Variants in HS6ST2 observed in about 807,000 individuals in gnomAD.
HS6ST2 encodes the protein heparan-sulfate 6-O-sulfotransferase 2.
HS6ST2 carries 17 observed loss-of-function variants against 33.0 expected under a neutral mutation model. The observed-to-expected ratio is 0.52, with a 90% confidence interval of 0.35 to 0.77. The LOEUF is 0.77. Ranked by LOEUF, HS6ST2 falls within the 30% of genes least tolerant of loss-of-function variation. HS6ST2 has a pLI of 0.01. For synonymous variants in HS6ST2, 248 were observed against 237.1 expected (o/e 1.05, Z -0.42); for missense variants, 519 against 551.7 (o/e 0.94, Z 0.59).
chrX:132,758,665 T>G (rs1248568622), intron 2 of HS6ST2, among the ~76,000 whole-genome samples: 3 of 111,792 alleles, frequency 2.7e-5, no homozygotes, highest in Non-Finnish European at 3.8e-5. Flanking sequence ...GGTCTCCCTT[T>G]CAGCTCCCAA....
chrX:132,735,761 A>C (rs1438226759), intron 2 of HS6ST2, among the ~76,000 whole-genome samples: 2 of 112,163 alleles, frequency 1.8e-5, no homozygotes, highest in Non-Finnish European at 3.8e-5. Flanking sequence ...TTTTCCTGAT[A>C]TCAGGATTGA....
At chrX:132,807,895 C>T (rs750993421) in intron 2 of HS6ST2, among the ~76,000 whole-genome samples, 1 of 112,022 alleles carries the variant, frequency 8.9e-6, no homozygotes, top group African/African-American at 3.2e-5. Context: ...CTGGGAGAAA[C>T]TCAGCAGCAG....
At chrX:132,772,184 T>G (rs2064907364) in intron 2 of HS6ST2, among the ~76,000 whole-genome samples, 1 of 111,457 alleles carries the variant, frequency 9.0e-6, no homozygotes, top group Admixed American at 9.7e-5. Context: ...GTGTAAAAGT[T>G]GAACACACAC....
intron 2 of HS6ST2, among the ~76,000 whole-genome samples, chrX:132,709,660 G>C (rs1237674312): frequency 9.1e-6 from 1 of 110,432 alleles, no homozygotes; most frequent in East Asian, 2.8e-4. Flanking sequence ...CAATGTGCTC[G>C]TCTTCTACTC....
chrX:132,722,061 G>A (rs1413614999), intron 2 of HS6ST2, among the ~76,000 whole-genome samples: 3 of 108,456 alleles, frequency 2.8e-5, no homozygotes, highest in African/African-American at 6.7e-5. Flanking sequence ...GTTGGCGGGC[G>A]CCTGTAGTCC....
chrX:132,843,038 A>G (rs1424750603), intron 2 of HS6ST2, among the ~76,000 whole-genome samples: 1 of 111,647 alleles, frequency 9.0e-6, no homozygotes, highest in Non-Finnish European at 1.9e-5. Context: ...GCAGTCTCCC[A>G]TTTTGGCATC....
intron 2 of HS6ST2, among the ~76,000 whole-genome samples, chrX:132,939,036 G>C (rs1052562515): frequency 1.8e-5 from 2 of 111,424 alleles, no homozygotes; most frequent in Non-Finnish European, 3.8e-5. Flanking sequence ...CATGGCAAGA[G>C]AGGGAGCAAG....
At chrX:132,724,048 G>A (rs944269918) in intron 2 of HS6ST2, among the ~76,000 whole-genome samples, 4 of 112,051 alleles carry the variant, frequency 3.6e-5, no homozygotes, top group Non-Finnish European at 5.6e-5. Context: ...GCTGAGGCAG[G>A]AGAATGGCGT....
chrX:132,743,756 G>A (rs1430079929), intron 2 of HS6ST2, among the ~76,000 whole-genome samples: 4 of 111,470 alleles, frequency 3.6e-5, no homozygotes, highest in South Asian at 3.8e-4. Flanking sequence ...CAATTGCAGC[G>A]TTTTTTGTTT....
Position 132,956,853 on chromosome X carries a change from G to A in HS6ST2, c.902C>T (p.Pro301Leu), listed in dbSNP as rs1312415723. 1.7e-6 allele frequency: 2 copies of A among 1,184,283 alleles called. No homozygotes were observed. The highest frequency in any genetic ancestry group is 2.3e-6 in the Non-Finnish European group (2 of 881,500). ...ADWTELTSCV[P>L]SVVDGKRDAR... ...GTCGCGCTTGCCGTCCACCACGGAG[G>A]GCACACAGCTGGTGAGCTCGGTCCA... Residue 301 changes from proline to leucine, a missense_variant, in exon 2 of 5, where the codon CCC becomes CTC. By Grantham distance (98) the Pro-to-Leu change is moderately conservative (BLOSUM62 -3). Transcript: ENST00000370833.
intron 2 of HS6ST2, among the ~76,000 whole-genome samples, chrX:132,743,566 C>A (rs928811109): frequency 2.7e-5 from 3 of 111,784 alleles, no homozygotes; most frequent in Non-Finnish European, 5.6e-5. Flanking sequence ...CACTTACATA[C>A]CAAGCCCATT....
At chrX:132,790,768 G>A (rs972724327) in intron 2 of HS6ST2, among the ~76,000 whole-genome samples, 4 of 112,066 alleles carry the variant, frequency 3.6e-5, no homozygotes, top group African/African-American at 9.7e-5. Flanking sequence ...TGGGTACTAA[G>A]GCATTAAAAG....
At chrX:132,629,371 C>T (rs1755701216) in intron 4 of HS6ST2, among the ~76,000 whole-genome samples, 1 of 111,369 alleles carries the variant, frequency 9.0e-6, no homozygotes, top group Non-Finnish European at 1.9e-5. Context: ...ATGCTTCACT[C>T]CCGTTCGTTC....
At position 132,698,165 on chromosome X, in the gene HS6ST2, T is replaced by G. The variant is rs904818947; in HGVS notation, c.980+10297A>C. ...CTAGACTCAAATTGATTGTATCTCA[T>G]CGAAGTGGTGTATTAGCATTCTACA... On this transcript the variant is annotated intron_variant, in intron 3 of 4. Coordinates refer to ENST00000370833, the MANE Select transcript of HS6ST2 (RefSeq NM_001394073.1). Among the ~76,000 whole-genome samples the G allele has an allele frequency of 3.6e-5, 4 of 111,748 alleles. No individual in the cohort carries two copies. The Admixed American group carries it at 3.8e-4, about 11-fold the overall frequency.
At chrX:132,649,083 T>C (rs978650425) in intron 4 of HS6ST2, among the ~76,000 whole-genome samples, 5 of 112,216 alleles carry the variant, frequency 4.5e-5, no homozygotes, top group Non-Finnish European at 9.4e-5. Context: ...GCAAAACAGA[T>C]TGCCTCCATA....
At chrX:132,955,805 C>T (rs771580556) in intron 2 of HS6ST2, among the ~76,000 whole-genome samples, 1 of 112,899 alleles carries the variant, frequency 8.9e-6, no homozygotes, top group Admixed American at 9.3e-5. Flanking sequence ...CTGGACATCG[C>T]GTCTGGAGGG....
intron 2 of HS6ST2, among the ~76,000 whole-genome samples, chrX:132,928,408 C>G (rs1046682671): frequency 9.0e-6 from 1 of 110,960 alleles, no homozygotes; most frequent in Admixed American, 9.6e-5. Flanking sequence ...CGCCCAGCTG[C>G]CACACACTTT....
Position 132,628,625 on chromosome X carries a change from T to C in HS6ST2, c.1536A>G (p.Glu512=). The part of the protein sequence containing the change: ...TRASSVEINE[E]IQKRIEGLNF... Reference sequence around the variant, plus strand: ...TCAGTCCCTCAATACGCTTTTGAATTTCCTCATTGATCTCTACACTAGAGG... The same window carrying C: ...TCAGTCCCTCAATACGCTTTTGAATCTCCTCATTGATCTCTACACTAGAGG... Residue 512 remains glutamate, a synonymous_variant, in exon 5 of 5, where the codon GAA becomes GAG. Coordinates refer to ENST00000370833, the MANE Select transcript of HS6ST2 (RefSeq NM_001394073.1). The C allele has an allele frequency of 1.7e-6, 2 of 1,211,115 alleles. No homozygotes were observed. The highest frequency in any genetic ancestry group is 2.2e-6 in the Non-Finnish European group (2 of 895,174).
intron 2 of HS6ST2, among the ~76,000 whole-genome samples, chrX:132,770,162 C>T (rs1176508886): frequency 8.9e-6 from 1 of 111,747 alleles, no homozygotes; most frequent in Non-Finnish European, 1.9e-5. Context: ...ACATTATACA[C>T]ATTATCTCAT....
Sources: gnomAD v4.1 joint callset for allele counts (sites outside exome capture counted in the v4.1 genomes callset) on GRCh38, gnomAD v4.1.1 for gene constraint, MANE v1.5 for transcripts, NCBI Gene and HGNC (gene_info 2026-07-23, HGNC 2026-07-21) for gene names.